Variants in SMCHD1 observed in about 807,000 individuals in gnomAD.
SMCHD1 encodes structural maintenance of chromosomes flexible hinge domain containing 1, also known as structural maintenance of chromosomes flexible hinge domain-containing protein 1.
A neutral mutation model predicts 254.7 loss-of-function variants in SMCHD1; 78 were observed. The ratio of observed to expected loss-of-function variants is 0.31; its 90% CI spans 0.26 to 0.37. SMCHD1 has a LOEUF of 0.37. Among genes scored for constraint, SMCHD1 ranks in the 10% least tolerant of loss-of-function variants. The pLI, the probability that SMCHD1 is intolerant of heterozygous loss-of-function variation, is 1.00. For synonymous variants in SMCHD1, 766 were observed against 794.9 expected (o/e 0.96, Z 0.61); for missense variants, 1,840 against 2,408.1 (o/e 0.76, Z 4.94).
intron 5 of SMCHD1, among the ~76,000 whole-genome samples, chr18:2,685,107 T>TTA (rs2074017607): frequency 7.3e-6 from 1 of 136,620 alleles, no homozygotes; most frequent in Admixed American, 7.5e-5. Flanking sequence ...TTTTTCTTTT[T>TTA]TTTTTTTTTT....
At chr18:2,760,527 A>G (rs913566961) in intron 34 of SMCHD1, 125 bp from the exon 35 acceptor site, 3 of 646,628 alleles carry the variant, frequency 4.6e-6, no homozygotes, top group African/African-American at 1.9e-5. Context: ...AGGTCAATAT[A>G]CTATTAGTAG....
chr18:2,733,717 T>C (rs1048477228), intron 25 of SMCHD1, among the ~76,000 whole-genome samples: 6 of 152,190 alleles, frequency 3.9e-5, no homozygotes, highest in Non-Finnish European at 8.8e-5. Context: ...CAAATTTGCA[T>C]TTTCAAAGTA....
chr18:2,708,768 A>G (rs2074580738), intron 17 of SMCHD1, among the ~76,000 whole-genome samples: 1 of 148,692 alleles, frequency 6.7e-6, no homozygotes, highest in South Asian at 2.1e-4. Context: ...GGCACATGCC[A>G]CCACTCCCAG....
intron 40 of SMCHD1, 119 bp downstream of exon 40, chr18:2,771,737 A>G (rs2075988041): frequency 4.2e-6 from 3 of 721,128 alleles, no homozygotes; most frequent in Non-Finnish European, 6.4e-6. Flanking sequence ...AAAGACGTGC[A>G]TTATCGTCAC....
chr18:2,693,569 CAT>C (rs2074224805), intron 7 of SMCHD1, among the ~76,000 whole-genome samples: 1 of 152,224 alleles, frequency 6.6e-6, no homozygotes, highest in African/African-American at 2.4e-5. Flanking sequence ...TGTTATGTGA[CAT>C]ATGACTGTAT....
At chr18:2,783,679 T>C (rs958027212) in intron 44 of SMCHD1, among the ~76,000 whole-genome samples, 1 of 152,050 alleles carries the variant, frequency 6.6e-6, no homozygotes, top group Non-Finnish European at 1.5e-5. Context: ...TTCAAGCGAT[T>C]CTCCTGCCTC....
chr18:2,691,169 A>G (rs979817386), intron 7 of SMCHD1, among the ~76,000 whole-genome samples: 12 of 152,330 alleles, frequency 7.9e-5, no homozygotes, highest in African/African-American at 2.9e-4. Flanking sequence ...ACAGAGCCCT[A>G]TAAAATATAA....
intron 44 of SMCHD1, among the ~76,000 whole-genome samples, chr18:2,782,882 C>T (rs1377613164): frequency 6.6e-6 from 1 of 151,416 alleles, no homozygotes; most frequent in African/African-American, 2.4e-5. Flanking sequence ...ACATATAAAC[C>T]CAAACCAAAA....
intron 25 of SMCHD1, among the ~76,000 whole-genome samples, chr18:2,735,077 A>G (rs2143505690): frequency 6.6e-6 from 1 of 152,256 alleles, no homozygotes; most frequent in East Asian, 1.9e-4. Context: ...TCAAAAAAAA[A>G]AAGTTAATTC....
At chr18:2,676,271 T>C (rs1365028822) in intron 5 of SMCHD1, among the ~76,000 whole-genome samples, 1 of 152,206 alleles carries the variant, frequency 6.6e-6, no homozygotes, top group African/African-American at 2.4e-5. Flanking sequence ...TCAGTTATTA[T>C]TACTATGAAT....
chr18:2,691,632 C>T (rs1406118881), intron 7 of SMCHD1: 2 of 152,344 alleles, frequency 1.3e-5, no homozygotes, highest in East Asian at 3.9e-4. Context: ...CATCCTGGGC[C>T]TTTTAACAGA....
At chr18:2,658,953 C>A (rs1568057639) in intron 1 of SMCHD1, among the ~76,000 whole-genome samples, 1 of 151,318 alleles carries the variant, frequency 6.6e-6, no homozygotes, top group Non-Finnish European at 1.5e-5. Context: ...TATACACACA[C>A]ATATATATAT....
At chr18:2,704,712 T>C (rs1370598051) in intron 13 of SMCHD1, among the ~76,000 whole-genome samples, 5 of 151,042 alleles carry the variant, frequency 3.3e-5, no homozygotes, top group Non-Finnish European at 7.4e-5. Flanking sequence ...TTGAAAGGGG[T>C]AGAGGCTCAG....
intron 5 of SMCHD1, among the ~76,000 whole-genome samples, chr18:2,684,700 AGTGTGTGTGTGTGTGTGT>A (rs71365193): frequency 1.7e-5 from 2 of 115,526 alleles, no homozygotes; most frequent in African/African-American, 6.0e-5. Context: ...TTGCAGATTC[AGTGTGTGTGTGTGTGTGT>A]GTGTGTGTGT....
Position 2,667,030 on chromosome 18 carries a change from G to T in SMCHD1, c.423G>T (p.Leu141Phe), listed in dbSNP as rs1057519641. Residue 141 changes from leucine to phenylalanine, a missense_variant and splice_region_variant, in exon 3 of 48, where the codon TTG becomes TTT. By Grantham distance (22) the Leu-to-Phe change is conservative. Transcript: ENST00000320876. ...EYYASEGQNP[L>F]PFALAELIDN... Reference sequence around the variant, plus strand: ...ATGCCAGTGAAGGACAAAATCCTTTGCGTAAGTATCCCATTCATACTAATT... The same window carrying T: ...ATGCCAGTGAAGGACAAAATCCTTTTCGTAAGTATCCCATTCATACTAATT... 1 of 1,569,174 alleles carries T rather than the reference G, an allele frequency of 6.4e-7. No homozygotes were observed. Among genetic ancestry groups the T allele is most frequent in the Non-Finnish European group, 8.7e-7 (1 of 1,154,234 alleles).
intron 47 of SMCHD1, among the ~76,000 whole-genome samples, chr18:2,798,208 A>G (rs1008167771): frequency 1.3e-4 from 20 of 152,250 alleles, no homozygotes; most frequent in African/African-American, 4.3e-4. Context: ...GGCAGAGGCC[A>G]GATTATGAAA....
rs372815104 is a variant in SMCHD1, at chr18:2,724,952, G to C, written c.2657G>C (p.Arg886Pro). 6.3e-7 allele frequency: 1 copy of C among 1,593,518 alleles called. No individual in the cohort carries two copies. ...EITKGPNCVI[R>P]GVTAKGPVNS... is the part of the protein sequence containing the mutation. ...ACCAAAGGACCAAATTGTGTAATTC[G>C]AGGTGTTACAGCCAAGGGCCCTGTA... The change falls in exon 21 of 48, where the codon CGA (arginine) becomes CCA (proline). Residue 886 changes from arginine (R) to proline (P), a missense_variant. By Grantham distance (103) the Arg-to-Pro change is moderately radical. Around this residue, in one of 9 missense-constraint regions of SMCHD1, gnomAD observed 881 missense variants for 1,009.5 expected, o/e 0.87. Transcript: ENST00000320876.
intron 17 of SMCHD1, among the ~76,000 whole-genome samples, chr18:2,716,767 T>C (rs1262113769): frequency 1.3e-5 from 2 of 152,186 alleles, no homozygotes; most frequent in Non-Finnish European, 2.9e-5. Flanking sequence ...CTCTACAGTT[T>C]TGACCTGGTT....
Position 2,740,491 on chromosome 18 carries a change from G to T in SMCHD1, c.3515-212G>T, listed in dbSNP as rs528884662. On this transcript the variant is annotated intron_variant, in intron 27 of 47. Coordinates refer to ENST00000320876, the MANE Select transcript of SMCHD1 (RefSeq NM_015295.3). ...AAAAAATCTGATTAACATTAGCATCGTGTTAAATGTAGTTGAAAATATGCT... is the reference window on the plus strand; with the variant it reads ...AAAAAATCTGATTAACATTAGCATCTTGTTAAATGTAGTTGAAAATATGCT... 6.6e-5 allele frequency among the ~76,000 whole-genome samples: 10 copies of T among 151,896 alleles called. No homozygotes were observed. The South Asian group carries it at 2.1e-3, about 32-fold the overall frequency.
Sources: gnomAD v4.1 joint callset for allele counts (sites outside exome capture counted in the v4.1 genomes callset) on GRCh38, gnomAD v4.1.1 for gene constraint, gnomAD v4.1.1 regional missense constraint, MANE v1.5 for transcripts, NCBI Gene and HGNC (gene_info 2026-07-23, HGNC 2026-07-21) for gene names.